The following NID1 variants were observed in gnomAD, a reference collection of about 807,000 sequenced individuals.
NID1 encodes nidogen 1.
Under a neutral mutation model 130.6 loss-of-function variants are expected in NID1, and 76 were observed. That is an observed-to-expected ratio of 0.58 (90% confidence interval 0.48 to 0.70). NID1 has a LOEUF of 0.70. NID1 is among the 30% of genes least tolerant of loss of function. NID1 has a pLI of 0.00. For missense variants in NID1, 1,517 were observed against 1,664.8 expected (o/e 0.91, Z 1.54); for synonymous variants, 665 against 675.1 (o/e 0.98, Z 0.23).
At chr1:236,000,416 C>T (rs2102807104) in intron 12 of NID1, among the ~76,000 whole-genome samples, 1 of 152,322 alleles carries the variant, frequency 6.6e-6, no homozygotes, top group East Asian at 1.9e-4. Context: ...TAGATAATAA[C>T]TCAACCAATT....
chr1:236,042,255 C>G lies in NID1; in HGVS notation c.790G>C (p.Glu264Gln). Residue 264 changes from glutamate (E) to glutamine (Q), a missense_variant, in exon 4 of 20, where the codon GAG becomes CAG. By Grantham distance (29) the Glu-to-Gln change is conservative. Around this residue, in one of 3 missense-constraint regions of NID1, gnomAD observed 1,329 missense variants for 1,429.2 expected, o/e 0.93. Coordinates refer to ENST00000264187, the MANE Select transcript of NID1 (RefSeq NM_002508.3). ...TTGGTGGTGGCTGGACTCCCAATCT[C>G]AAACACCCAGACACCCTGCTGCCCA... Reference protein sequence around the residue: ...NSGQQGVWVFEIGSPATTNGV... With the variant: ...NSGQQGVWVFQIGSPATTNGV... 6.2e-7 allele frequency: 1 copy of G among 1,607,976 alleles called. No homozygotes were observed. The highest frequency in any genetic ancestry group is 8.5e-7 in the Non-Finnish European group (1 of 1,179,980).
At chr1:235,984,177 C>A (rs116816773) in intron 15 of NID1, among the ~76,000 whole-genome samples, 2,499 of 152,290 alleles carry the variant, frequency 0.016, 36 homozygotes, top group Non-Finnish European at 0.023. Context: ...CCCTCTTCCA[C>A]TGGGTTTTAA....
At chr1:236,032,778 T>C in intron 5 of NID1, 126 bp from the exon 6 acceptor site, 1 of 1,281,474 alleles carries the variant, frequency 7.8e-7, no homozygotes, top group Non-Finnish European at 1.1e-6. Flanking sequence ...CTGGGGTCAA[T>C]GGCTTTGGGT....
chr1:236,028,685 T>C (rs1460140606), intron 7 of NID1, among the ~76,000 whole-genome samples: 1 of 147,024 alleles, frequency 6.8e-6, no homozygotes, highest in Non-Finnish European at 1.5e-5. Flanking sequence ...ATGGTCAGTA[T>C]ACATATATAT....
chr1:235,994,906 A>G (rs1278687108), intron 12 of NID1, among the ~76,000 whole-genome samples: 1 of 152,146 alleles, frequency 6.6e-6, no homozygotes, highest in African/African-American at 2.4e-5. Context: ...CATGTTGGCC[A>G]CGCTAGCATC....
chr1:236,005,444 G>GT (rs1332250213), intron 12 of NID1, among the ~76,000 whole-genome samples: 2 of 152,108 alleles, frequency 1.3e-5, no homozygotes, highest in Admixed American at 1.3e-4. Flanking sequence ...CCAACTGTCT[G>GT]TTTTTTCTGA....
chr1:236,011,922 T>C lies in NID1; in HGVS notation c.2526A>G (p.Gly842=), dbSNP rs1038339419. 4 of 1,613,506 alleles carry C rather than the reference T, an allele frequency of 2.5e-6. No individual in the cohort carries two copies. The African/African-American group carries it at 4.0e-5, about 16-fold the overall frequency. Reference sequence around the variant, plus strand: ...ACTCCAGATGTCCCACCACCTTACCTCCGGGCACGCAACGGAAGCCGTCTC... The same window carrying C: ...ACTCCAGATGTCCCACCACCTTACCCCCGGGCACGCAACGGAAGCCGTCTC... The part of the protein sequence containing the change: ...YQGDGFRCVP[G]EVEKTRCQHE... Residue 842 remains glycine (G), a splice_region_variant and synonymous_variant, in exon 12 of 20, where the codon GGA becomes GGG. Transcript: ENST00000264187.
intron 5 of NID1, among the ~76,000 whole-genome samples, chr1:236,034,291 G>A (rs781206352): frequency 2.6e-5 from 4 of 151,770 alleles, no homozygotes; most frequent in South Asian, 2.1e-4. Flanking sequence ...GCATGGTGGC[G>A]GTCACCTATA....
chr1:236,012,286 G>A (rs1214286156), intron 11 of NID1, among the ~76,000 whole-genome samples: 2 of 152,168 alleles, frequency 1.3e-5, no homozygotes, highest in Admixed American at 1.3e-4. Context: ...GCCAGGCACC[G>A]TGGCTCACGC....
At chr1:236,057,617 C>A (rs1659930827) in intron 1 of NID1, among the ~76,000 whole-genome samples, 1 of 151,540 alleles carries the variant, frequency 6.6e-6, no homozygotes, top group African/African-American at 2.4e-5. Context: ...GTAATCCCAG[C>A]TACTCAGGAG....
At chr1:236,058,571 T>G (rs1323622471) in intron 1 of NID1, among the ~76,000 whole-genome samples, 1 of 152,266 alleles carries the variant, frequency 6.6e-6, no homozygotes, top group Non-Finnish European at 1.5e-5. Flanking sequence ...AAGCACTTCC[T>G]GTCTCATTTC....
intron 19 of NID1, among the ~76,000 whole-genome samples, 163 bp downstream of exon 19, chr1:235,978,832 T>C (rs1434689402): frequency 6.6e-6 from 1 of 152,192 alleles, no homozygotes; most frequent in East Asian, 1.9e-4. Flanking sequence ...TTTCTGTTTA[T>C]TTAACTGGTT....
chr1:236,024,931 A>G (rs1024058094), intron 8 of NID1, among the ~76,000 whole-genome samples: 2 of 150,630 alleles, frequency 1.3e-5, no homozygotes, highest in African/African-American at 4.9e-5. Flanking sequence ...CAATTTCCTC[A>G]GGCACTAACC....
intron 1 of NID1, among the ~76,000 whole-genome samples, chr1:236,062,633 CAAAAAA>C (rs56709890): frequency 1.9e-5 from 2 of 104,230 alleles, no homozygotes; most frequent in Non-Finnish European, 3.9e-5. Context: ...GACTCTGTCT[CAAAAAA>C]AAAAAAAAAA....
At chr1:236,045,906 A>G (rs569485073) in intron 2 of NID1, among the ~76,000 whole-genome samples, 8 of 152,236 alleles carry the variant, frequency 5.3e-5, no homozygotes, top group Non-Finnish European at 1.2e-4. Flanking sequence ...TGATTAATTC[A>G]TAAATATCTT....
intron 12 of NID1, among the ~76,000 whole-genome samples, chr1:236,004,032 CAAAAAAAAA>C (rs36021098): frequency 1.7e-5 from 2 of 116,422 alleles, no homozygotes; most frequent in Admixed American, 9.4e-5. Context: ...GACTCTGTCT[CAAAAAAAAA>C]AAAAAAAACA....
At chr1:236,001,149 G>A (rs1458682645) in intron 12 of NID1, among the ~76,000 whole-genome samples, 9 of 148,492 alleles carry the variant, frequency 6.1e-5, no homozygotes, top group African/African-American at 1.5e-4. Flanking sequence ...ACTGTCGCCC[G>A]GCCTGGAGTG....
At chr1:236,057,660 T>A (rs556444511) in intron 1 of NID1, among the ~76,000 whole-genome samples, 1 of 146,966 alleles carries the variant, frequency 6.8e-6, no homozygotes, top group Admixed American at 7.0e-5. Context: ...ATCTCGCCAC[T>A]GCACTCCAGC....
At chr1:236,006,464 G>T (rs954491622) in intron 12 of NID1, among the ~76,000 whole-genome samples, 2 of 152,280 alleles carry the variant, frequency 1.3e-5, no homozygotes, top group South Asian at 4.1e-4. Context: ...AGAGGACAAA[G>T]GAGTGTGTAG....
Sources: gnomAD v4.1 joint callset for allele counts (sites outside exome capture counted in the v4.1 genomes callset) on GRCh38, gnomAD v4.1.1 for gene constraint, gnomAD v4.1.1 regional missense constraint, MANE v1.5 for transcripts, NCBI Gene and HGNC (gene_info 2026-07-23, HGNC 2026-07-21) for gene names.